Variants in JAKMIP1 observed in about 807,000 individuals in gnomAD.
JAKMIP1 encodes janus kinase and microtubule-interacting protein 1.
JAKMIP1 carries 33 observed loss-of-function variants against 113.0 expected under a neutral mutation model. The ratio of observed to expected loss-of-function variants is 0.29; its 90% confidence interval spans 0.22 to 0.39. JAKMIP1 has a LOEUF of 0.39. Among genes scored for constraint, JAKMIP1 ranks in the 10% least tolerant of loss-of-function variants. The probability of loss-of-function intolerance (pLI) is 1.00; values close to 1 mark genes in which losing one functional copy is unlikely to be tolerated. For missense variants in JAKMIP1, 813 were observed against 1,080.5 expected (o/e 0.75, Z 3.47); for synonymous variants, 480 against 459.9 (o/e 1.04, Z -0.56).
intron 1 of JAKMIP1, among the ~76,000 whole-genome samples, chr4:6,151,199 C>T (rs573711021): frequency 3.9e-5 from 6 of 152,322 alleles, no homozygotes; most frequent in Admixed American, 3.3e-4. Flanking sequence ...GCCACCATGT[C>T]TATGTTCCAT....
chr4:6,172,385 G>A (rs1174025138), intron 1 of JAKMIP1, among the ~76,000 whole-genome samples: 2 of 152,206 alleles, frequency 1.3e-5, no homozygotes, highest in African/African-American at 4.8e-5. Flanking sequence ...CTGTAATGAG[G>A]AAGGACTGGG....
Position 6,081,689 on chromosome 4 carries a change from T to G in JAKMIP1, c.1021A>C (p.Lys341Gln), listed in dbSNP as rs760867817. ...PLVEKNKRMN[K>Q]KNEDLLQSIQ... ...CTCTGCAACAGATCCTCATTCTTCT[T>G]GTTCATCCGCTTGTTCTTCTCCACC... The change falls in exon 6 of 21, where the codon AAG becomes CAG. Residue 341 changes from lysine (K) to glutamine (Q), a missense_variant. By Grantham distance (53) the Lys-to-Gln change is moderately conservative. This residue lies in a region of JAKMIP1 where 540 missense variants were observed against 653.9 expected (regional missense o/e 0.83). Transcript: ENST00000409021. The surrounding 1 kb of genome is among the most constrained non-coding windows in gnomAD (Gnocchi z 4.6). 5.6e-6 allele frequency: 9 copies of G among 1,614,086 alleles called. No individual in the cohort carries two copies. Among genetic ancestry groups the G allele is most frequent in the Non-Finnish European group, 2.5e-6 (3 of 1,180,042 alleles).
intron 12 of JAKMIP1, among the ~76,000 whole-genome samples, chr4:6,055,979 C>T (rs187251207): frequency 6.8e-6 from 1 of 146,620 alleles, no homozygotes; most frequent in Non-Finnish European, 1.5e-5. Flanking sequence ...CCCCAGAGGA[C>T]AGGCCAGCCC....
At chr4:6,043,140 T>A (rs1714557336) in intron 16 of JAKMIP1, among the ~76,000 whole-genome samples, 1 of 151,982 alleles carries the variant, frequency 6.6e-6, no homozygotes, top group African/African-American at 2.4e-5. Context: ...GACCTCCTCA[T>A]TGCTAAGGCT....
Position 6,088,765 on chromosome 4 carries a change from T to C in JAKMIP1, c.625-3136A>G, listed in dbSNP as rs6826582. Among the ~76,000 whole-genome samples, 5,764 of 152,196 alleles carry C rather than the reference T, an allele frequency of 0.038. 295 individuals are homozygous for C. Among genetic ancestry groups the C allele is most frequent in the African/African-American group, 0.11 (4,595 of 41,496 alleles). On this transcript the variant is annotated intron_variant, in intron 3 of 20. Transcript: ENST00000409021. This position sits in a 1 kb window ranked among gnomAD's most constrained non-coding sequence, Gnocchi z 5.5. ...ACAAGCTGAGCTCTTAGTGATCCTATCTCGCTGCCCTTGGGATGCTGATGA... is the reference window on the plus strand; with the variant it reads ...ACAAGCTGAGCTCTTAGTGATCCTACCTCGCTGCCCTTGGGATGCTGATGA...
chr4:6,041,492 G>A (rs949052704), intron 17 of JAKMIP1, among the ~76,000 whole-genome samples: 43 of 152,048 alleles, frequency 2.8e-4, no homozygotes, highest in African/African-American at 9.4e-4. Flanking sequence ...ACTCGAATTG[G>A]CCTTTGACTA....
chr4:6,177,120 C>T (rs1725430124), intron 1 of JAKMIP1, among the ~76,000 whole-genome samples: 1 of 152,196 alleles, frequency 6.6e-6, no homozygotes, highest in South Asian at 2.1e-4. Context: ...CACCCACTGG[C>T]ATCCTGAAAC....
rs1201464663 is a variant in JAKMIP1 at position 6,139,674 on chromosome 4, G to A, written c.-147-26677C>T. On this transcript the variant is annotated intron_variant, in intron 1 of 20. Transcript: ENST00000409021. The surrounding 1 kb of genome is among the most constrained non-coding windows in gnomAD (Gnocchi z 5.2). Reference sequence around the variant, plus strand: ...CCAGCTACTTGGGAGGCTGAGGCAGGAGAATCGCCTGAACCCAGGAGGCGG... The same window carrying A: ...CCAGCTACTTGGGAGGCTGAGGCAGAAGAATCGCCTGAACCCAGGAGGCGG... Among the ~76,000 whole-genome samples, 2 of 152,094 alleles carry A rather than the reference G, an allele frequency of 1.3e-5. No individual in the cohort carries two copies. The highest frequency in any genetic ancestry group is 1.3e-4 in the Admixed American group (2 of 15,274).
Position 6,044,167 on chromosome 4 carries a change from G to A in JAKMIP1, c.2029-1940C>T, listed in dbSNP as rs1033936362. On this transcript the variant is annotated intron_variant, in intron 16 of 20. Coordinates refer to ENST00000409021, the MANE Select transcript of JAKMIP1 (RefSeq NM_001099433.2). The surrounding 1 kb of genome is among the most constrained non-coding windows in gnomAD (Gnocchi z 4.4). ...CCATGTCAGTCATCTTGTGAATGCC[G>A]GGTCGTAGCACTCACCTGACAGCGC... Among the ~76,000 whole-genome samples, 15 of 140,702 alleles carry A rather than the reference G, an allele frequency of 1.1e-4. No homozygotes were observed. The highest frequency in any genetic ancestry group is 2.7e-4 in the Admixed American group (4 of 14,938). The allele number at this position is 140,702 out of a possible 152,430, so 92.3% of individuals were successfully genotyped here. A position where few individuals can be genotyped will look rare whatever the true frequency, so the allele number is the denominator to read the frequency against.
rs925172081 is a variant in JAKMIP1 at position 6,200,516 on chromosome 4, G to A, written c.-411C>T. ...CGCGGCACTGGTGGCCGCGATCCGG[G>A]CAGGCGGCCGGCGCGTGCCGCACGC... On this transcript the variant is annotated 5_prime_UTR_variant, in exon 1 of 21. Coordinates refer to ENST00000409021, the MANE Select transcript of JAKMIP1 (RefSeq NM_001099433.2). This position sits in a 1 kb window ranked among gnomAD's most constrained non-coding sequence, Gnocchi z 7.0. The A allele has an allele frequency of 6.6e-6, 1 of 150,866 alleles. No individual in the cohort carries two copies. Among genetic ancestry groups the A allele is most frequent in the African/African-American group, 2.4e-5 (1 of 41,282 alleles). The allele number at this position is 150,866 out of a possible 1,614,324, so 9.3% of individuals were successfully genotyped here. A position where few individuals can be genotyped will look rare whatever the true frequency, so the allele number is the denominator to read the frequency against.
Position 6,105,911 on chromosome 4 carries a change from C to T in JAKMIP1, c.186G>A (p.Gln62=). The T allele has an allele frequency of 6.2e-7, 1 of 1,611,062 alleles. No individual in the cohort carries two copies. The highest frequency in any genetic ancestry group is 8.5e-7 in the Non-Finnish European group (1 of 1,179,392). ...CCGAAATGTAGGCCGTGTGCCGTCG[C>T]TGCTCCTGCTCGCGCTCCAGCTTCG... is the stretch of plus-strand genomic sequence containing the variant. The part of the protein sequence containing the change: ...QEAKLEREQE[Q]RRHTAYISEL... The change falls in exon 3 of 21, where the codon CAG becomes CAA. Residue 62 remains glutamine (Q), a synonymous_variant. Coordinates refer to ENST00000409021, the MANE Select transcript of JAKMIP1 (RefSeq NM_001099433.2).
intron 1 of JAKMIP1, among the ~76,000 whole-genome samples, chr4:6,147,973 T>C (rs1232460536): frequency 6.6e-6 from 1 of 152,248 alleles, no homozygotes; most frequent in African/African-American, 2.4e-5. Flanking sequence ...GAAATCCCTA[T>C]CAGCCTTGAG....
In JAKMIP1 at chr4:6,180,360, C is replaced by G. The variant is rs1725879709; in HGVS notation, c.-148+19893G>C. 6.6e-6 allele frequency among the ~76,000 whole-genome samples: 1 copy of G among 152,264 alleles called. No individual in the cohort carries two copies. Among genetic ancestry groups the G allele is most frequent in the Non-Finnish European group, 1.5e-5 (1 of 68,020 alleles). On this transcript the variant is annotated intron_variant, in intron 1 of 20. Coordinates refer to ENST00000409021, the MANE Select transcript of JAKMIP1 (RefSeq NM_001099433.2). This position sits in a 1 kb window ranked among gnomAD's most constrained non-coding sequence, Gnocchi z 4.5. ...GAAGCTTCCTTTAGAACATTCTGTG[C>G]ACGTGAAGTCTTCTTTCTTATTGAG...
rs1274912843 is a variant in JAKMIP1, at chr4:6,200,478, G to A, written c.-373C>T. 6.6e-6 allele frequency: 1 copy of A among 151,344 alleles called. No individual in the cohort carries two copies. The highest frequency in any genetic ancestry group is 2.4e-5 in the African/African-American group (1 of 41,344). The allele number at this position is 151,344 out of a possible 1,614,324, so 9.4% of individuals were successfully genotyped here. A position where few individuals can be genotyped will look rare whatever the true frequency, so the allele number is the denominator to read the frequency against. On this transcript the variant is annotated 5_prime_UTR_variant, in exon 1 of 21. Coordinates refer to ENST00000409021, the MANE Select transcript of JAKMIP1 (RefSeq NM_001099433.2). The surrounding 1 kb of genome is among the most constrained non-coding windows in gnomAD (Gnocchi z 7.0). ...GTCGCGCGCGCGGCTCGGCGGGGCGGGAGTCGAGAGGCCGCGGCACTGGTG... is the reference window on the plus strand; with the variant it reads ...GTCGCGCGCGCGGCTCGGCGGGGCGAGAGTCGAGAGGCCGCGGCACTGGTG...
chr4:6,050,271 G>A lies in JAKMIP1; in HGVS notation c.1908+307C>T, dbSNP rs781401072. Among the ~76,000 whole-genome samples, 4 of 152,158 alleles carry A rather than the reference G, an allele frequency of 2.6e-5. No homozygotes were observed. Among genetic ancestry groups the A allele is most frequent in the African/African-American group, 7.2e-5 (3 of 41,442 alleles). On this transcript the variant is annotated intron_variant, in intron 14 of 20. Coordinates refer to ENST00000409021, the MANE Select transcript of JAKMIP1 (RefSeq NM_001099433.2). This position sits in a 1 kb window ranked among gnomAD's most constrained non-coding sequence, Gnocchi z 7.4. ...TGATGTGTCATCACCCCAGCTTCAC[G>A]GTGTGGGTATTGTCATTTGGATTTC...
At chr4:6,056,051 C>A (rs1436816628) in intron 12 of JAKMIP1, among the ~76,000 whole-genome samples, 1 of 151,268 alleles carries the variant, frequency 6.6e-6, no homozygotes, top group Non-Finnish European at 1.5e-5. Context: ...TGCAGGGTGT[C>A]CCCAGAGGAC....
intron 3 of JAKMIP1, among the ~76,000 whole-genome samples, chr4:6,095,190 A>C (rs962224168): frequency 1.4e-5 from 2 of 147,994 alleles, no homozygotes; most frequent in African/African-American, 2.5e-5. Context: ...GGAAGAAGAA[A>C]GGAAGGGAGG....
intron 18 of JAKMIP1, among the ~76,000 whole-genome samples, chr4:6,037,155 C>T (rs1713594512): frequency 6.7e-6 from 1 of 149,672 alleles, no homozygotes; most frequent in African/African-American, 2.5e-5. Flanking sequence ...CCCAGTAGCC[C>T]TCCATCACCG....
Position 6,142,308 on chromosome 4 carries a change from C to T in JAKMIP1, c.-147-29311G>A, listed in dbSNP as rs756579557. Among the ~76,000 whole-genome samples, 7 of 152,192 alleles carry T rather than the reference C, an allele frequency of 4.6e-5. No homozygotes were observed. The highest frequency in any genetic ancestry group is 2.1e-4 in the South Asian group (1 of 4,810). ...TGCAAAGTTTCGAAGAGGCTCGTAC[C>T]CATGTATGCCCGCACAGGCAGGGGA... On this transcript the variant is annotated intron_variant, in intron 1 of 20. Transcript: ENST00000409021. The surrounding 1 kb of genome is among the most constrained non-coding windows in gnomAD (Gnocchi z 5.5).
Sources: gnomAD v4.1 joint callset for allele counts (sites outside exome capture counted in the v4.1 genomes callset) on GRCh38, gnomAD v4.1.1 for gene constraint, gnomAD v4.1.1 regional missense constraint, Gnocchi (gnomAD v3.1) non-coding constraint, MANE v1.5 for transcripts, NCBI Gene and HGNC (gene_info 2026-07-23, HGNC 2026-07-21) for gene names.